LINGO2: variants seen among roughly 807,000 people sequenced by gnomAD.
LINGO2 encodes the protein leucine-rich repeat and immunoglobulin-like domain-containing nogo receptor-interacting protein 2.
A neutral mutation model predicts 30.6 loss-of-function variants in LINGO2; 14 were observed. The observed-to-expected ratio is 0.46, with a 90% CI of 0.30 to 0.72. The LOEUF (loss-of-function observed/expected upper bound fraction) is 0.72, where lower values mean the gene tolerates loss of function less well. Among genes scored for constraint, LINGO2 ranks in the 30% least tolerant of loss-of-function variants. The pLI, the probability that LINGO2 is intolerant of heterozygous loss-of-function variation, is 0.07. For missense variants in LINGO2, 729 were observed against 751.7 expected (o/e 0.97, Z 0.35); for synonymous variants, 317 against 288.5 (o/e 1.10, Z -1.00).
Position 28,061,827 on chromosome 9 carries a change from C to CTAA in LINGO2, c.-86-49425_-86-49423dup, listed in dbSNP as rs1825153688. On this transcript the variant is annotated intron_variant, in intron 4 of 5. Coordinates refer to ENST00000379992, the Ensembl canonical transcript of LINGO2. ...TACTGCCTAAATTTTAATCCTGGCT[C>CTAA]TAATCTCTTCAAGCCCCAGTTTTCA... 2.6e-5 allele frequency among the ~76,000 whole-genome samples: 4 copies of CTAA among 152,172 alleles called. No homozygotes were observed. The South Asian group carries it at 6.2e-4, about 24-fold the overall frequency.
intron 1 of LINGO2, among the ~76,000 whole-genome samples, chr9:28,577,041 G>C (rs1475691421): frequency 2.0e-5 from 3 of 151,978 alleles, no homozygotes; most frequent in African/African-American, 7.3e-5. Context: ...GTCATTCCTG[G>C]GCTTGGGCCA....
chr9:28,900,936 G>A, the LINGO2 span, among the ~76,000 whole-genome samples: 1 of 152,070 alleles, frequency 6.6e-6, no homozygotes, highest in African/African-American at 2.4e-5. Flanking sequence ...ACGAAAGTAA[G>A]AAATTGGACA....
At chr9:29,186,047 C>A in the LINGO2 span, among the ~76,000 whole-genome samples, 2 of 151,986 alleles carry the variant, frequency 1.3e-5, no homozygotes, top group South Asian at 4.1e-4. Flanking sequence ...CCTTTGAACA[C>A]AACCAGATTA....
the LINGO2 span, among the ~76,000 whole-genome samples, chr9:28,786,949 T>C: frequency 1.3e-5 from 2 of 152,294 alleles, no homozygotes; most frequent in African/African-American, 4.8e-5. Context: ...TATTTTGCAA[T>C]AGGTCTGCCT....
intron 4 of LINGO2, among the ~76,000 whole-genome samples, chr9:28,141,203 T>C (rs1437281386): frequency 6.6e-6 from 1 of 152,250 alleles, no homozygotes; most frequent in Non-Finnish European, 1.5e-5. Context: ...CTTCATGTAC[T>C]AATATTTCTA....
chr9:28,860,991 A>AT, the LINGO2 span, among the ~76,000 whole-genome samples: 1 of 108,296 alleles, frequency 9.2e-6, no homozygotes, highest in African/African-American at 3.7e-5. Context: ...TCTATAATAT[A>AT]TTATATTTAT....
intron 1 of LINGO2, among the ~76,000 whole-genome samples, chr9:28,482,846 A>C (rs1285417463): frequency 6.6e-6 from 1 of 152,112 alleles, no homozygotes; most frequent in African/African-American, 2.4e-5. Context: ...AAATTAATTC[A>C]AGATGGATTA....
chr9:28,959,612 T>TCTCACA, the LINGO2 span, among the ~76,000 whole-genome samples: 1,055 of 132,160 alleles, frequency 8.0e-3, 13 homozygotes, highest in Middle Eastern at 0.019. Flanking sequence ...TCTCTCTCCC[T>TCTCACA]CACACACACA....
At chr9:28,754,017 AACACACAC>A in the LINGO2 span, among the ~76,000 whole-genome samples, 141 of 146,116 alleles carry the variant, frequency 9.6e-4, 2 homozygotes, top group East Asian at 0.017. Context: ...CACACACACA[AACACACAC>A]ACACACACAC....
chr9:27,975,796 T>C (rs755250672), intron 5 of LINGO2, among the ~76,000 whole-genome samples: 2 of 152,168 alleles, frequency 1.3e-5, no homozygotes, highest in Non-Finnish European at 2.9e-5. Flanking sequence ...CCTAAATTCA[T>C]TATAGGTGAA....
intron 1 of LINGO2, among the ~76,000 whole-genome samples, chr9:28,547,804 G>A (rs1387586906): frequency 6.6e-6 from 1 of 152,116 alleles, no homozygotes. Context: ...AACATATACA[G>A]AGTGAATGGT....
the LINGO2 span, among the ~76,000 whole-genome samples, chr9:28,730,347 C>G: frequency 1.3e-5 from 2 of 152,136 alleles, no homozygotes; most frequent in South Asian, 4.1e-4. Context: ...TGATAAAATC[C>G]TCACTGCTCT....
chr9:28,883,628 GTATA>G, the LINGO2 span, among the ~76,000 whole-genome samples: 3,431 of 64,096 alleles, frequency 0.054, 341 homozygotes, highest in Non-Finnish European at 0.06. Flanking sequence ...ATGTGTGTGT[GTATA>G]TATATATATA....
chr9:28,329,298 C>T lies in LINGO2; in HGVS notation c.-245-33932G>A. ...CTAGTCATAATTCTGTCCCATGGCA[C>T]AAAGCAGAGCTTCTTATTTCCCTGT... On this transcript the variant is annotated intron_variant, in intron 3 of 5. Coordinates refer to ENST00000379992, the Ensembl canonical transcript of LINGO2. This position sits in a 1 kb window ranked among gnomAD's most constrained non-coding sequence, Gnocchi z 4.5. 6.6e-6 allele frequency among the ~76,000 whole-genome samples: 1 copy of T among 152,102 alleles called. No individual in the cohort carries two copies. The highest frequency in any genetic ancestry group is 1.9e-4 in the East Asian group (1 of 5,180).
At chr9:28,199,784 G>A (rs1408325955) in intron 4 of LINGO2, among the ~76,000 whole-genome samples, 1 of 152,048 alleles carries the variant, frequency 6.6e-6, no homozygotes, top group East Asian at 1.9e-4. Context: ...ATAATTAAGA[G>A]AAGTAGTACA....
the LINGO2 span, among the ~76,000 whole-genome samples, chr9:28,826,485 G>C: frequency 6.6e-6 from 1 of 152,044 alleles, no homozygotes; most frequent in Non-Finnish European, 1.5e-5. Flanking sequence ...TCAGGGAAGA[G>C]ATATGCAAAA....
chr9:29,034,593 G>A, the LINGO2 span, among the ~76,000 whole-genome samples: 5 of 152,048 alleles, frequency 3.3e-5, no homozygotes, highest in African/African-American at 1.2e-4. Context: ...ATAGCCCTAT[G>A]ACTATGATTT....
At chr9:28,107,566 G>A (rs1826632931) in intron 4 of LINGO2, among the ~76,000 whole-genome samples, 1 of 152,028 alleles carries the variant, frequency 6.6e-6, no homozygotes, top group Non-Finnish European at 1.5e-5. Flanking sequence ...ATTTGTTTCA[G>A]TAATTACTGC....
At chr9:28,214,517 T>C (rs1027611325) in intron 4 of LINGO2, among the ~76,000 whole-genome samples, 1 of 151,584 alleles carries the variant, frequency 6.6e-6, no homozygotes, top group African/African-American at 2.4e-5. Flanking sequence ...CAGGGAGCTT[T>C]TCCAACTCCA....
Sources: gnomAD v4.1 joint callset for allele counts (sites outside exome capture counted in the v4.1 genomes callset) on GRCh38, gnomAD v4.1.1 for gene constraint, Gnocchi (gnomAD v3.1) non-coding constraint, MANE v1.5 for transcripts, NCBI Gene and HGNC (gene_info 2026-07-23, HGNC 2026-07-21) for gene names.